The following SPAG1 variants were observed in gnomAD, a reference collection of about 807,000 sequenced individuals.
SPAG1 encodes sperm associated antigen 1, also known as sperm-associated antigen 1.
SPAG1 carries 69 observed loss-of-function variants against 100.5 expected under a neutral mutation model. The ratio of observed to expected loss-of-function variants is 0.69; its 90% CI spans 0.57 to 0.84. The LOEUF is 0.84. Among genes scored for constraint, SPAG1 ranks in the 40% least tolerant of loss-of-function variants. SPAG1 has a pLI of 0.00. For missense variants in SPAG1, 955 were observed against 1,133.1 expected, an observed-to-expected ratio of 0.84 and a Z score of 2.26; for synonymous variants, 336 against 411.6, an observed-to-expected ratio of 0.82 and a Z score of 2.22.
At chr8:100,212,038 T>C (rs1042952416) in intron 10 of SPAG1, among the ~76,000 whole-genome samples, 12 of 152,252 alleles carry the variant, frequency 7.9e-5, no homozygotes, top group Non-Finnish European at 1.6e-4. Context: ...TGCAGATTTA[T>C]CTTTATAGCA....
chr8:100,174,337 G>A (rs2132228946), intron 3 of SPAG1, among the ~76,000 whole-genome samples: 1 of 152,274 alleles, frequency 6.6e-6, no homozygotes, highest in South Asian at 2.1e-4. Flanking sequence ...TGTATTAAGT[G>A]GAAGTGGATC....
chr8:100,231,015 G>A, intron 14 of SPAG1, 141 bp from the exon 15 acceptor site: 1 of 512,248 alleles, frequency 2.0e-6, no homozygotes, highest in Non-Finnish European at 3.3e-6. Context: ...TGTCTACAAA[G>A]TTTTGTTCTA....
intron 10 of SPAG1, chr8:100,194,643 T>C (rs1300774754): frequency 2.0e-5 from 8 of 391,682 alleles, no homozygotes; most frequent in Non-Finnish European, 3.6e-5. Flanking sequence ...CAGGTATGGG[T>C]AGCCCCATTT....
At chr8:100,165,643 A>G (rs936678410) in intron 2 of SPAG1, among the ~76,000 whole-genome samples, 171 bp from the exon 3 acceptor site, 3 of 152,114 alleles carry the variant, frequency 2.0e-5, no homozygotes, top group Non-Finnish European at 4.4e-5. Context: ...TAATCATTCC[A>G]TAGATTAACG....
At chr8:100,215,018 TA>T in intron 12 of SPAG1, among the ~76,000 whole-genome samples, 1 of 58,564 alleles carries the variant, frequency 1.7e-5, no homozygotes, top group Non-Finnish European at 3.6e-5. Context: ...TATATATATA[TA>T]TATATATATA....
intron 10 of SPAG1, among the ~76,000 whole-genome samples, chr8:100,207,511 G>C (rs1231897430): frequency 6.6e-6 from 1 of 152,246 alleles, no homozygotes; most frequent in Non-Finnish European, 1.5e-5. Context: ...CTGAAGGACA[G>C]CAGTGAAGGG....
intron 13 of SPAG1, among the ~76,000 whole-genome samples, chr8:100,221,963 G>T (rs1256451335): frequency 2.0e-5 from 3 of 152,202 alleles, no homozygotes; most frequent in Non-Finnish European, 2.9e-5. Flanking sequence ...AGAAGAAAGG[G>T]ACATACATCC....
chr8:100,240,841 T>TA (rs1274112979), intron 18 of SPAG1, 50 bp from the exon 19 acceptor site: 1 of 1,571,024 alleles, frequency 6.4e-7, no homozygotes, highest in Non-Finnish European at 8.6e-7. Context: ...AAATGTTACT[T>TA]ATGCTAACAT....
intron 1 of SPAG1, 122 bp from the exon 2 acceptor site, chr8:100,162,157 T>C: frequency 1.4e-6 from 1 of 735,738 alleles, no homozygotes; most frequent in Non-Finnish European, 2.2e-6. Flanking sequence ...AGGGAGACTC[T>C]GTCTCTACAA....
Position 100,239,213 on chromosome 8 carries a change from T to G in SPAG1, c.2116-27T>G. 7.0e-7 allele frequency: 1 copy of G among 1,430,828 alleles called. No homozygotes were observed. Among genetic ancestry groups the G allele is most frequent in the South Asian group, 1.4e-5 (1 of 69,946 alleles). 88.6% of individuals were successfully genotyped at this position (1,430,828 alleles called of 1,614,324 possible). On this transcript the variant is annotated intron_variant, in intron 16 of 18. Coordinates refer to ENST00000388798, the MANE Select transcript of SPAG1 (RefSeq NM_003114.5). The surrounding 1 kb of genome is among the most constrained non-coding windows in gnomAD (Gnocchi z 5.0). ...TCTAGGCTCCTTCTATTTATGAAAG[T>G]TATTTTCTCTGTCTTCCTACTTACA...
At chr8:100,233,698 A>G (rs1818879257) in intron 16 of SPAG1, among the ~76,000 whole-genome samples, 161 bp downstream of exon 16, 1 of 152,204 alleles carries the variant, frequency 6.6e-6, no homozygotes, top group African/African-American at 2.4e-5. Flanking sequence ...GAGGCCTCAG[A>G]TTTCACCCCT....
chr8:100,216,685 A>G (rs1818002668), intron 12 of SPAG1, among the ~76,000 whole-genome samples: 2 of 152,204 alleles, frequency 1.3e-5, no homozygotes, highest in Admixed American at 6.5e-5. Flanking sequence ...TAGCTGGCCT[A>G]CCAGTCCCAG....
Position 100,187,250 on chromosome 8 carries a change from G to T in SPAG1, c.832G>T (p.Ala278Ser). 6.3e-7 allele frequency: 1 copy of T among 1,597,986 alleles called. No individual in the cohort carries two copies. Among genetic ancestry groups the T allele is most frequent in the South Asian group, 1.1e-5 (1 of 88,322 alleles). Residue 278 changes from alanine (A) to serine (S), a missense_variant and splice_region_variant, in exon 8 of 19, where the codon GCT (alanine) becomes TCT (serine). Ala to Ser is a moderately conservative substitution (Grantham distance 99). Coordinates refer to ENST00000388798, the MANE Select transcript of SPAG1 (RefSeq NM_003114.5). ...GGAGTTAGAACCTGGAAACGTAAAG[G>T]GTAAAAAATATTATAGAATTCTTTT... ...VLELEPGNVK[A>S]LLRRATTYKH...
chr8:100,180,047 G>C (rs1228696208), intron 4 of SPAG1, among the ~76,000 whole-genome samples: 1 of 152,216 alleles, frequency 6.6e-6, no homozygotes, highest in Non-Finnish European at 1.5e-5. Context: ...ATTAGGTCCA[G>C]GCACAGGCGG....
chr8:100,225,421 G>A (rs1044307093), intron 14 of SPAG1, 82 bp downstream of exon 14: 2 of 1,283,994 alleles, frequency 1.6e-6, no homozygotes, highest in East Asian at 2.4e-5. Flanking sequence ...AGAGATAAGA[G>A]CATTAATTCT....
rs1448956045 is a variant in SPAG1, at chr8:100,241,103, T to G, written c.*81T>G. 1.4e-6 allele frequency: 2 copies of G among 1,479,110 alleles called. No individual in the cohort carries two copies. The highest frequency in any genetic ancestry group is 1.4e-5 in the African/African-American group (1 of 71,300). 91.6% of individuals were successfully genotyped at this position (1,479,110 alleles called of 1,614,324 possible). On this transcript the variant is annotated 3_prime_UTR_variant, in exon 19 of 19. Coordinates refer to ENST00000388798, the MANE Select transcript of SPAG1 (RefSeq NM_003114.5). The surrounding 1 kb of genome is among the most constrained non-coding windows in gnomAD (Gnocchi z 5.1). Reference sequence around the variant, plus strand: ...GAGATGGTATTGTAAAAGAGTTGCATGGATAAAACTTGGCCTAGAAAAGTT... The same window carrying G: ...GAGATGGTATTGTAAAAGAGTTGCAGGGATAAAACTTGGCCTAGAAAAGTT...
chr8:100,241,234 A>G lies in SPAG1; in HGVS notation c.*212A>G, dbSNP rs998367301. ...ATATTTTCTTATGTACCAGAACCAA[A>G]TAAGTATATTTAGAACTTGTTAAAA... is the stretch of plus-strand genomic sequence containing the variant. On this transcript the variant is annotated 3_prime_UTR_variant, in exon 19 of 19. Transcript: ENST00000388798. This position sits in a 1 kb window ranked among gnomAD's most constrained non-coding sequence, Gnocchi z 5.1. The G allele has an allele frequency of 1.3e-5, 5 of 375,108 alleles. No individual in the cohort carries two copies. Among genetic ancestry groups the G allele is most frequent in the African/African-American group, 4.2e-5 (2 of 48,054 alleles). 23.2% of individuals were successfully genotyped at this position (375,108 alleles called of 1,614,324 possible).
In SPAG1 at chr8:100,241,070, A is replaced by G; in HGVS notation, c.*48A>G. ...TTCCATGCATGTATGTGTTCCAGGA[A>G]TGTTAATGAGATGGTATTGTAAAAG... On this transcript the variant is annotated 3_prime_UTR_variant, in exon 19 of 19. Transcript: ENST00000388798. This position sits in a 1 kb window ranked among gnomAD's most constrained non-coding sequence, Gnocchi z 5.1. 1.3e-6 allele frequency: 2 copies of G among 1,587,560 alleles called. No individual in the cohort carries two copies. The highest frequency in any genetic ancestry group is 1.7e-6 in the Non-Finnish European group (2 of 1,165,458).
At chr8:100,206,814 G>A (rs548871863) in intron 10 of SPAG1, among the ~76,000 whole-genome samples, 205 of 152,266 alleles carry the variant, frequency 1.3e-3, no homozygotes, top group Non-Finnish European at 1.8e-3. Flanking sequence ...CCCATTTATC[G>A]AGTGACCTGA....
Sources: gnomAD v4.1 joint callset for allele counts (sites outside exome capture counted in the v4.1 genomes callset) on GRCh38, gnomAD v4.1.1 for gene constraint, Gnocchi (gnomAD v3.1) non-coding constraint, MANE v1.5 for transcripts, NCBI Gene and HGNC (gene_info 2026-07-23, HGNC 2026-07-21) for gene names.